The following IGSF10 variants were observed in gnomAD, a reference collection of about 807,000 sequenced individuals.
IGSF10 encodes immunoglobulin superfamily member 10.
Under a neutral mutation model 128.2 loss-of-function variants are expected in IGSF10, and 126 were observed. That is an observed-to-expected ratio of 0.98 (90% CI 0.85 to 1.14). The LOEUF (loss-of-function observed/expected upper bound fraction) is 1.14. Ranked by LOEUF, IGSF10 falls within the 50% of genes most tolerant of loss-of-function variation. The probability of loss-of-function intolerance (pLI) is 0.00; values close to 1 mark genes in which losing one functional copy is unlikely to be tolerated. For missense variants in IGSF10, 3,295 were observed against 3,149.8 expected, an observed-to-expected ratio of 1.05 and a Z score of -1.10; for synonymous variants, 1,185 against 1,146.2, an observed-to-expected ratio of 1.03 and a Z score of -0.68.
At chr3:151,473,505 A>G in the IGSF10 span, among the ~76,000 whole-genome samples, 14 of 152,238 alleles carry the variant, frequency 9.2e-5, no homozygotes, top group African/African-American at 3.4e-4. Flanking sequence ...CATGCACTCA[A>G]GATTTGGGAA....
downstream of IGSF10, chr3:151,434,946 C>T (rs986845215): frequency 3.9e-5 from 6 of 151,906 alleles, no homozygotes; most frequent in East Asian, 1.9e-4. Flanking sequence ...ATTAATTCCA[C>T]GATTCTATTG....
chr3:151,564,387 C>T, the IGSF10 span, among the ~76,000 whole-genome samples: 28 of 152,058 alleles, frequency 1.8e-4, no homozygotes, highest in Non-Finnish European at 5.9e-5. Context: ...TATGTTTTGG[C>T]CAGCATGACG....
chr3:151,447,807 G>C lies in IGSF10; in HGVS notation c.2174C>G (p.Thr725Arg), dbSNP rs1172603959. The change falls in exon 6 of 8, where the codon ACA becomes AGA. Residue 725 changes from threonine (T) to arginine (R), a missense_variant. Transcript: ENST00000282466. The stretch of plus-strand genomic sequence containing the variant: ...TGTTGAATCTCCACGTCGCTGGAGT[G>C]TTAATTCCCGATAGTTGTGCCTCTT... ...TSKRHNYREL[T>R]LQRRGDSTHR... The C allele has an allele frequency of 6.2e-7, 1 of 1,614,032 alleles. No individual in the cohort carries two copies. The highest frequency in any genetic ancestry group is 8.5e-7 in the Non-Finnish European group (1 of 1,180,038).
the IGSF10 span, among the ~76,000 whole-genome samples, chr3:151,555,153 T>C: frequency 6.6e-6 from 1 of 152,142 alleles, no homozygotes; most frequent in Non-Finnish European, 1.5e-5. Flanking sequence ...GTCCCATTAA[T>C]AGTGACAAAA....
Position 151,437,476 on chromosome 3 carries a change from T to C in IGSF10, c.7085A>G (p.Asp2362Gly), listed in dbSNP as rs1339754744. 1.2e-6 allele frequency: 2 copies of C among 1,614,060 alleles called. No individual in the cohort carries two copies. Among genetic ancestry groups the C allele is most frequent in the African/African-American group, 2.7e-5 (2 of 74,922 alleles). ...GKSTALNCSV[D>G]GNPPPEIIWI... ...GATTATTTCAGGTGGTGGGTTACCA[T>C]CAACAGAGCAATTCAATGCTGTGGA... Residue 2362 changes from aspartate (D) to glycine (G), a missense_variant, in exon 8 of 8, where the codon GAT becomes GGT. Physicochemically the swap from Asp to Gly is moderately conservative, Grantham distance 94. Transcript: ENST00000282466.
At chr3:151,441,857 C>G (rs766659197) in intron 7 of IGSF10, among the ~76,000 whole-genome samples, 6 of 152,126 alleles carry the variant, frequency 3.9e-5, no homozygotes, top group Admixed American at 1.3e-4. Flanking sequence ...GTCAGGAGAT[C>G]AAGACCATCC....
Position 151,446,733 on chromosome 3 carries a change from C to T in IGSF10, c.3248G>A (p.Ser1083Asn). Residue 1083 changes from serine to asparagine, a missense_variant, in exon 6 of 8, where the codon AGT (serine) becomes AAT (asparagine). By Grantham distance (46) the Ser-to-Asn change is conservative. Transcript: ENST00000282466. The part of the protein sequence containing the change: ...TTATAALSFP[S>N]AAPITFPKAD... ...TTTGGGGAAGGTGATGGGAGCAGCA[C>T]TTGGAAAAGACAATGCTGCTGTGGC... The T allele has an allele frequency of 6.2e-7, 1 of 1,614,188 alleles. No individual in the cohort carries two copies. Among genetic ancestry groups the T allele is most frequent in the African/African-American group, 1.3e-5 (1 of 75,052 alleles).
chr3:151,517,513 A>G, the IGSF10 span, among the ~76,000 whole-genome samples: 721 of 152,080 alleles, frequency 4.7e-3, 18 homozygotes, highest in East Asian at 0.047. Flanking sequence ...AGAATGTCAA[A>G]TGGTCTCCCT....
chr3:151,614,398 C>G, the IGSF10 span, among the ~76,000 whole-genome samples: 4 of 152,138 alleles, frequency 2.6e-5, no homozygotes, highest in African/African-American at 4.8e-5. Context: ...ACTATTCACA[C>G]TAGCAAAGAC....
At chr3:151,520,857 G>C in the IGSF10 span, among the ~76,000 whole-genome samples, 1 of 151,654 alleles carries the variant, frequency 6.6e-6, no homozygotes, top group African/African-American at 2.4e-5. Flanking sequence ...CACAATGACA[G>C]AATCAAATCC....
At chr3:151,572,054 A>C in the IGSF10 span, among the ~76,000 whole-genome samples, 1 of 152,216 alleles carries the variant, frequency 6.6e-6, no homozygotes, top group Non-Finnish European at 1.5e-5. Context: ...CCAGCCTTGC[A>C]TCCCAGGGAT....
chr3:151,591,731 A>C, the IGSF10 span, among the ~76,000 whole-genome samples: 2 of 152,072 alleles, frequency 1.3e-5, no homozygotes, highest in Admixed American at 1.3e-4. Flanking sequence ...GAGAAATGGC[A>C]CTTAAGCCTG....
chr3:151,432,693 A>G (rs1416911322), downstream of IGSF10: 1 of 1,249,674 alleles, frequency 8.0e-7, no homozygotes, highest in East Asian at 2.4e-5. Context: ...AGAGGGTAGC[A>G]TCCATCTGTG....
the IGSF10 span, among the ~76,000 whole-genome samples, chr3:151,578,488 A>G: frequency 6.6e-6 from 1 of 152,222 alleles, no homozygotes; most frequent in Non-Finnish European, 1.5e-5. Context: ...TAGAATACCT[A>G]AGAATAGCAA....
chr3:151,508,300 T>C, the IGSF10 span, among the ~76,000 whole-genome samples: 1 of 152,140 alleles, frequency 6.6e-6, no homozygotes, highest in African/African-American at 2.4e-5. Context: ...TTATGGAAAG[T>C]TTTTATGAGG....
chr3:151,617,768 A>G, the IGSF10 span, among the ~76,000 whole-genome samples: 1 of 152,106 alleles, frequency 6.6e-6, no homozygotes, highest in Non-Finnish European at 1.5e-5. Flanking sequence ...GTGTAACAGT[A>G]TTAAGAGGTG....
the IGSF10 span, among the ~76,000 whole-genome samples, chr3:151,573,800 G>T: frequency 9.9e-5 from 15 of 152,216 alleles, no homozygotes; most frequent in African/African-American, 3.4e-4. Flanking sequence ...TTGCCTGTTA[G>T]TTGATGCAGT....
chr3:151,472,355 A>T, the IGSF10 span, among the ~76,000 whole-genome samples: 1 of 152,212 alleles, frequency 6.6e-6, no homozygotes, highest in Non-Finnish European at 1.5e-5. Flanking sequence ...ATAAGAAATT[A>T]GAAAATCTTT....
chr3:151,551,250 C>T, the IGSF10 span, among the ~76,000 whole-genome samples: 4 of 152,106 alleles, frequency 2.6e-5, no homozygotes, highest in African/African-American at 7.2e-5. Context: ...TCAATGAGTT[C>T]AGTGGTTTCC....
Sources: gnomAD v4.1 joint callset for allele counts (sites outside exome capture counted in the v4.1 genomes callset) on GRCh38, gnomAD v4.1.1 for gene constraint, MANE v1.5 for transcripts, NCBI Gene and HGNC (gene_info 2026-07-23, HGNC 2026-07-21) for gene names.